Variants in ZC3H14 observed in about 807,000 individuals in gnomAD.
ZC3H14 encodes the protein zinc finger CCCH-type containing 14, also known as zinc finger CCCH domain-containing protein 14.
ZC3H14 carries 31 observed loss-of-function variants against 92.4 expected under a neutral mutation model. That is an observed-to-expected ratio of 0.34 (90% confidence interval 0.25 to 0.45). ZC3H14 has a LOEUF of 0.45. ZC3H14 is among the 20% of genes least tolerant of loss of function. The pLI is 1.00. For synonymous variants in ZC3H14, 321 were observed against 300.9 expected, an observed-to-expected ratio of 1.07 and a Z score of -0.69; for missense variants, 781 against 897.3, an observed-to-expected ratio of 0.87 and a Z score of 1.66.
chr14:88,590,512 T>C (rs1487514918), intron 9 of ZC3H14: 2 of 152,308 alleles, frequency 1.3e-5, no homozygotes, highest in African/African-American at 2.4e-5. Flanking sequence ...TGTTCTCATA[T>C]CTCATCCATG....
chr14:88,585,452 C>T (rs753101008), intron 9 of ZC3H14, among the ~76,000 whole-genome samples: 4 of 151,696 alleles, frequency 2.6e-5, no homozygotes, highest in Admixed American at 1.3e-4. Context: ...TCTCGGCTCA[C>T]CGCAACCTCC....
rs960645718 is a variant in ZC3H14, at chr14:88,563,419, C to T, written c.37-232C>T. The T allele has an allele frequency of 4.1e-5, 59 of 1,428,264 alleles. No individual in the cohort carries two copies. In the East Asian group the frequency reaches 5.3e-4, roughly 13 times the overall value. 88.5% of individuals were successfully genotyped at this position (1,428,264 alleles called of 1,614,324 possible). A position where few individuals can be genotyped will look rare whatever the true frequency, so the allele number is the denominator to read the frequency against. ...GCGCAGGCCCGGCTGGAGCCACCAC[C>T]GCGGCGCACGGCGCCGCTTTGGATC... is the stretch of plus-strand genomic sequence containing the variant. On this transcript the variant is annotated intron_variant, in intron 1 of 16. Transcript: ENST00000251038.
At chr14:88,596,101 G>C (rs1304410962) in intron 9 of ZC3H14, among the ~76,000 whole-genome samples, 2 of 152,168 alleles carry the variant, frequency 1.3e-5, no homozygotes, top group Non-Finnish European at 2.9e-5. Context: ...AGGAATTAAT[G>C]TTAGGAGCCT....
Position 88,595,042 on chromosome 14 carries a change from G to A in ZC3H14, c.1280-1692G>A, listed in dbSNP as rs145272535. The A allele has an allele frequency of 4.2e-5, 68 of 1,613,414 alleles. No individual in the cohort carries two copies. In the Middle Eastern group the frequency reaches 4.9e-4, roughly 12 times the overall value. On this transcript the variant is annotated intron_variant, in intron 9 of 16. Coordinates refer to ENST00000251038, the MANE Select transcript of ZC3H14 (RefSeq NM_024824.5). ...CAACAGACAGTTTGAAGATCAAGAA[G>A]AAGATACTGAATCACAGTCAAGAAC...
chr14:88,576,814 G>A (rs528621444), intron 8 of ZC3H14, among the ~76,000 whole-genome samples: 5 of 151,916 alleles, frequency 3.3e-5, no homozygotes, highest in East Asian at 1.9e-4. Context: ...TTTTTGAGGC[G>A]AAGTCTTGCT....
chr14:88,576,716 C>T lies in ZC3H14; in HGVS notation c.1123+776C>T, dbSNP rs78766956. On this transcript the variant is annotated intron_variant, in intron 8 of 16. Coordinates refer to ENST00000251038, the MANE Select transcript of ZC3H14 (RefSeq NM_024824.5). ...TGGTGGGTGTACTTACAGCATTGCCCTGCTTATCCACTCTCTCGCTTTTTT... is the reference window on the plus strand; with the variant it reads ...TGGTGGGTGTACTTACAGCATTGCCTTGCTTATCCACTCTCTCGCTTTTTT... Among the ~76,000 whole-genome samples, 1,117 of 152,300 alleles carry T rather than the reference C, an allele frequency of 7.3e-3. 7 individuals carry two copies. Among genetic ancestry groups the T allele is most frequent in the African/African-American group, 0.025 (1,059 of 41,570 alleles).
Position 88,618,727 on chromosome 14 carries a change from T to TA in ZC3H14, c.*6978dup. On this transcript the variant is annotated 3_prime_UTR_variant, in exon 17 of 17. Coordinates refer to ENST00000251038, the MANE Select transcript of ZC3H14 (RefSeq NM_024824.5). Reference sequence around the variant, plus strand: ...ATGTCTTTGCAGTAGCTGATTCTGTTAAGAGTGGGGCCCAGCGTTAGGTCA... The same window carrying TA: ...ATGTCTTTGCAGTAGCTGATTCTGTTAAAGAGTGGGGCCCAGCGTTAGGTCA... The TA allele has an allele frequency of 6.2e-7, 1 of 1,609,978 alleles. No individual in the cohort carries two copies. The highest frequency in any genetic ancestry group is 8.5e-7 in the Non-Finnish European group (1 of 1,177,950).
intron 2 of ZC3H14, 145 bp downstream of exon 2, chr14:88,563,838 T>C: frequency 1.3e-6 from 1 of 791,748 alleles, no homozygotes; most frequent in East Asian, 2.6e-5. Context: ...CCTGGTTACT[T>C]CTTTATCATC....
chr14:88,614,324 G>A lies in ZC3H14; in HGVS notation c.*2573G>A, dbSNP rs200779861. On this transcript the variant is annotated 3_prime_UTR_variant, in exon 17 of 17. Transcript: ENST00000251038. ...CACTGATGAACAAGTACCAACTTAC[G>A]TTTCAAGCTTCTTAGCCCCATAATC... is the stretch of plus-strand genomic sequence containing the variant. 3.9e-5 allele frequency: 6 copies of A among 152,144 alleles called. No individual in the cohort carries two copies. In the East Asian group the frequency reaches 9.6e-4, roughly 24 times the overall value. The allele number at this position is 152,144 out of a possible 1,614,324, so 9.4% of individuals were successfully genotyped here.
In ZC3H14 at chr14:88,585,049, G is replaced by T. The variant is rs145187030; in HGVS notation, c.1279+6909G>T. Among the ~76,000 whole-genome samples, 53 of 152,268 alleles carry T rather than the reference G, an allele frequency of 3.5e-4. No homozygotes were observed. In the East Asian group the frequency reaches 7.7e-3, roughly 22 times the overall value. On this transcript the variant is annotated intron_variant, in intron 9 of 16. Transcript: ENST00000251038. Reference sequence around the variant, plus strand: ...TTTGGGAAGTCAAAAGTTGTATGTGGGTTTTCAACTGTTGTTGGGGGATTG... The same window carrying T: ...TTTGGGAAGTCAAAAGTTGTATGTGTGTTTTCAACTGTTGTTGGGGGATTG...
At chr14:88,602,740 G>A in intron 11 of ZC3H14, 88 bp from the exon 12 acceptor site, 1 of 1,364,776 alleles carries the variant, frequency 7.3e-7, no homozygotes, top group Non-Finnish European at 1.0e-6. Flanking sequence ...AGCCAAGGGA[G>A]TGATAGTTCT....
rs2089885397 is a variant in ZC3H14 at position 88,625,989 on chromosome 14, G to A, written c.*14238G>A. 1 of 152,178 alleles carries A rather than the reference G, an allele frequency of 6.6e-6. No individual in the cohort carries two copies. Among genetic ancestry groups the A allele is most frequent in the Admixed American group, 6.5e-5 (1 of 15,282 alleles). 9.4% of individuals were successfully genotyped at this position (152,178 alleles called of 1,614,324 possible). On this transcript the variant is annotated 3_prime_UTR_variant, in exon 17 of 17. Coordinates refer to ENST00000251038, the MANE Select transcript of ZC3H14 (RefSeq NM_024824.5). ...CCAGATGAGATGGAATAAAGTGAGAGGAGAGCAGGTCTCCTGAACACCCTT... is the reference window on the plus strand; with the variant it reads ...CCAGATGAGATGGAATAAAGTGAGAAGAGAGCAGGTCTCCTGAACACCCTT...
Position 88,611,013 on chromosome 14 carries a change from AG to A in ZC3H14, c.2204+74del, listed in dbSNP as rs2086609904. ...CTAATTTGCAGTTTCTAAATTTATA[AG>A]CACACAAAATTGGAAACTAGACTGT... is the stretch of plus-strand genomic sequence containing the variant. On this transcript the variant is annotated intron_variant, in intron 16 of 16. Coordinates refer to ENST00000251038, the MANE Select transcript of ZC3H14 (RefSeq NM_024824.5). The A allele has an allele frequency of 4.1e-6, 6 of 1,454,778 alleles. No individual in the cohort carries two copies. The South Asian group carries it at 5.8e-5, about 14-fold the overall frequency. 90.1% of individuals were successfully genotyped at this position (1,454,778 alleles called of 1,614,324 possible).
chr14:88,571,435 C>T lies in ZC3H14; in HGVS notation c.235+311C>T, dbSNP rs372403633. Among the ~76,000 whole-genome samples, 22 of 151,892 alleles carry T rather than the reference C, an allele frequency of 1.4e-4. No individual in the cohort carries two copies. The South Asian group carries it at 3.1e-3, about 21-fold the overall frequency. On this transcript the variant is annotated intron_variant, in intron 4 of 16. Transcript: ENST00000251038. ...AATTTAAAAGTTCAGTCATAATAAA[C>T]GAAATTGTTGTATTACCATGTGTGG...
intron 10 of ZC3H14, among the ~76,000 whole-genome samples, chr14:88,600,152 T>C (rs529309019): frequency 6.6e-6 from 1 of 152,374 alleles, no homozygotes; most frequent in South Asian, 2.1e-4. Context: ...CTTTTTCTTT[T>C]GCTAAGTTTC....
At chr14:88,575,065 T>C (rs1377821998) in intron 7 of ZC3H14, among the ~76,000 whole-genome samples, 1 of 152,226 alleles carries the variant, frequency 6.6e-6, no homozygotes, top group African/African-American at 2.4e-5. Flanking sequence ...GCCTCCTGAA[T>C]AGCTGGGATT....
chr14:88,596,808 G>A lies in ZC3H14; in HGVS notation c.1354G>A (p.Asp452Asn), dbSNP rs2083893839. 6.2e-7 allele frequency: 1 copy of A among 1,613,904 alleles called. No individual in the cohort carries two copies. Among genetic ancestry groups the A allele is most frequent in the Non-Finnish European group, 8.5e-7 (1 of 1,179,856 alleles). The change falls in exon 10 of 17, where the codon GAT (aspartate) becomes AAT (asparagine). Residue 452 changes from aspartate (D) to asparagine (N), a missense_variant and splice_region_variant. Asp to Asn is a conservative substitution (Grantham distance 23). Around this residue, in one of 3 missense-constraint regions of ZC3H14, gnomAD observed 454 missense variants for 438.5 expected, o/e 1.04. Transcript: ENST00000251038. ...GGCAGAAACTCTGCAGATGAGTCAA[G>A]GTTGGTAATGTTTCAAGTTGTACTG... ...VMAETLQMSQ[D>N]YYDMESMVHA...
chr14:88,616,784 A>G lies in ZC3H14; in HGVS notation c.*5033A>G. On this transcript the variant is annotated 3_prime_UTR_variant, in exon 17 of 17. Coordinates refer to ENST00000251038, the MANE Select transcript of ZC3H14 (RefSeq NM_024824.5). ...AACCATGCCAAAGTCATCTCCTGTAACAAGACTGATTCCTGAATGAGATAC... is the reference window on the plus strand; with the variant it reads ...AACCATGCCAAAGTCATCTCCTGTAGCAAGACTGATTCCTGAATGAGATAC... 6.2e-7 allele frequency: 1 copy of G among 1,614,000 alleles called. No homozygotes were observed.
At position 88,611,867 on chromosome 14, in the gene ZC3H14, A is replaced by G; in HGVS notation, c.*116A>G. 3.5e-6 allele frequency: 5 copies of G among 1,419,520 alleles called. No homozygotes were observed. Among genetic ancestry groups the G allele is most frequent in the South Asian group, 1.2e-5 (1 of 81,712 alleles). 87.9% of individuals were successfully genotyped at this position (1,419,520 alleles called of 1,614,324 possible). A position where few individuals can be genotyped will look rare whatever the true frequency, so the allele number is the denominator to read the frequency against. On this transcript the variant is annotated 3_prime_UTR_variant, in exon 17 of 17. Transcript: ENST00000251038. ...ACTTGGAATATATTGCTTTCATAAT[A>G]TGAAGTTTTATTGCCTATCTATCTG...
Sources: gnomAD v4.1 joint callset for allele counts (sites outside exome capture counted in the v4.1 genomes callset) on GRCh38, gnomAD v4.1.1 for gene constraint, gnomAD v4.1.1 regional missense constraint, MANE v1.5 for transcripts, NCBI Gene and HGNC (gene_info 2026-07-23, HGNC 2026-07-21) for gene names.